Variants in SBNO1 observed in about 807,000 individuals in gnomAD.
SBNO1 encodes strawberry notch homolog 1.
Under a neutral mutation model 173.6 loss-of-function variants are expected in SBNO1, and 23 were observed. The observed-to-expected ratio is 0.13, with a 90% CI of 0.10 to 0.19. The LOEUF (loss-of-function observed/expected upper bound fraction) is 0.19. Among genes scored for constraint, SBNO1 ranks in the 10% least tolerant of loss-of-function variants. The probability of loss-of-function intolerance (pLI) is 1.00; values close to 1 mark genes in which losing one functional copy is unlikely to be tolerated. For synonymous variants in SBNO1, 632 were observed against 571.5 expected (o/e 1.11, Z -1.51); for missense variants, 1,238 against 1,671.2 (o/e 0.74, Z 4.52).
At chr12:123,320,638 A>G (rs1378993491) in intron 18 of SBNO1, 31 bp from the exon 19 acceptor site, 1 of 1,600,636 alleles carries the variant, frequency 6.2e-7, no homozygotes. Context: ...AAAAGTTAGT[A>G]CAAAGTTTAA....
Position 123,294,516 on chromosome 12 carries a change from G to T in SBNO1, c.*1392C>A, listed in dbSNP as rs2048556357. 6.6e-6 allele frequency: 1 copy of T among 152,422 alleles called. No individual in the cohort carries two copies. Among genetic ancestry groups the T allele is most frequent in the African/African-American group, 2.4e-5 (1 of 41,076 alleles). 9.4% of individuals were successfully genotyped at this position (152,422 alleles called of 1,614,324 possible). A position where few individuals can be genotyped will look rare whatever the true frequency, so the allele number is the denominator to read the frequency against. On this transcript the variant is annotated 3_prime_UTR_variant, in exon 32 of 32. Coordinates refer to ENST00000602398, the MANE Select transcript of SBNO1 (RefSeq NM_001167856.3). ...AGGTCACCAGTGAGGGCCTAAACAA[G>T]AGTCCACTTCTTGTTAGTATAATAA...
At chr12:123,355,885 T>C (rs1246621625) in intron 1 of SBNO1, among the ~76,000 whole-genome samples, 1 of 152,014 alleles carries the variant, frequency 6.6e-6, no homozygotes, top group East Asian at 1.9e-4. Context: ...GACACAGCAG[T>C]AGAGAAAAAC....
In SBNO1 at chr12:123,320,579, G is replaced by A. The variant is rs1869832767; in HGVS notation, c.2520C>T (p.Ser840=). The A allele has an allele frequency of 1.9e-6, 3 of 1,613,894 alleles. No individual in the cohort carries two copies. Among genetic ancestry groups the A allele is most frequent in the South Asian group, 1.1e-5 (1 of 91,044 alleles). Residue 840 remains serine, a synonymous_variant, in exon 19 of 32, where the codon AGC becomes AGT. Transcript: ENST00000602398. Reference sequence around the variant, plus strand: ...CCACAGCATCCTGACTTGTTATAAGGCTACTGTTACTGTTGGTGTTACTGT... The same window carrying A: ...CCACAGCATCCTGACTTGTTATAAGACTACTGTTACTGTTGGTGTTACTGT... ...PANSNTNSNS[S]LITSQDAVER...
At chr12:123,340,626 A>C (rs1199270865) in intron 5 of SBNO1, among the ~76,000 whole-genome samples, 1 of 150,786 alleles carries the variant, frequency 6.6e-6, no homozygotes, top group African/African-American at 2.5e-5. Flanking sequence ...TAACCAGATC[A>C]TTATATGATC....
At position 123,309,774 on chromosome 12, in the gene SBNO1, C is replaced by T. The variant is rs145298684; in HGVS notation, c.3378G>A (p.Ala1126=). The T allele has an allele frequency of 2.2e-5, 36 of 1,612,902 alleles. No individual in the cohort carries two copies. The highest frequency in any genetic ancestry group is 1.5e-4 in the African/African-American group (11 of 74,968). Residue 1126 remains alanine (A), a synonymous_variant, in exon 26 of 32, where the codon GCG becomes GCA. Transcript: ENST00000602398. ...TTTGAACAACTGCAGTAAGTGTGTCCGCAAAATACTGAAATAACGCATTCT... is the reference window on the plus strand; with the variant it reads ...TTTGAACAACTGCAGTAAGTGTGTCTGCAAAATACTGAAATAACGCATTCT... ...HQQNALFQYF[A]DTLTAVVQNA... is the part of the protein sequence containing the mutation.
chr12:123,340,944 T>A (rs371556278), intron 5 of SBNO1, 44 bp downstream of exon 5: 1 of 1,215,780 alleles, frequency 8.2e-7, no homozygotes, highest in Non-Finnish European at 1.2e-6. Flanking sequence ...TTGAGTACAC[T>A]CTCATACTAC....
chr12:123,330,683 C>T (rs953999994), intron 8 of SBNO1, among the ~76,000 whole-genome samples, 174 bp from the exon 9 acceptor site: 15 of 151,786 alleles, frequency 9.9e-5, no homozygotes, highest in African/African-American at 3.6e-4. Context: ...CACCCATAAT[C>T]CTAGCACTTT....
rs1870738946 is a variant in SBNO1 at position 123,327,432 on chromosome 12, G to C, written c.1686C>G (p.Val562=). 6.2e-6 allele frequency: 10 copies of C among 1,609,052 alleles called. No homozygotes were observed. The highest frequency in any genetic ancestry group is 1.3e-5 in the African/African-American group (1 of 74,736). Residue 562 remains valine (V), a synonymous_variant, in exon 13 of 32, where the codon GTC becomes GTG. Coordinates refer to ENST00000602398, the MANE Select transcript of SBNO1 (RefSeq NM_001167856.3). ...ATTAAGAAAAATTCCTCACCAGCTT[G>C]ACAGCTTTGTTATACATTTTAACGT... ...QSYVKMYNKA[V]KLWVIARERF...
chr12:123,297,633 G>C (rs887614615), intron 31 of SBNO1, among the ~76,000 whole-genome samples: 2 of 151,994 alleles, frequency 1.3e-5, no homozygotes, highest in African/African-American at 2.4e-5. Flanking sequence ...AGTGGCTTTT[G>C]AATTCCAGAG....
intron 1 of SBNO1, among the ~76,000 whole-genome samples, chr12:123,358,108 T>C (rs141275171): frequency 3.7e-4 from 57 of 152,348 alleles, no homozygotes; most frequent in African/African-American, 1.3e-3. Flanking sequence ...TGAGATATCT[T>C]AGAGACTGGA....
rs114460951 is a variant in SBNO1, at chr12:123,311,059, A to G, written c.3291T>C (p.Asp1097=). ...ACACAAAGCTAATAGTAGTACCTTT[A>G]TCGAGAGTAAGAATTCCCGAGCGAT... ...VEDRSGILTL[D]KDYNNIGKFL... Residue 1097 remains aspartate, a synonymous_variant, in exon 25 of 32, where the codon GAT becomes GAC. Transcript: ENST00000602398. 3 of 1,608,748 alleles carry G rather than the reference A, an allele frequency of 1.9e-6. No homozygotes were observed. Among genetic ancestry groups the G allele is most frequent in the East Asian group, 4.5e-5 (2 of 44,844 alleles).
At position 123,298,051 on chromosome 12, in the gene SBNO1, T is replaced by C. The variant is rs2048665577; in HGVS notation, c.3966A>G (p.Leu1322=). The C allele has an allele frequency of 6.2e-7, 1 of 1,614,020 alleles. No individual in the cohort carries two copies. The highest frequency in any genetic ancestry group is 8.5e-7 in the Non-Finnish European group (1 of 1,179,998). ...LSVWTKVEGV[L]ASVSGTNVKM... ...TCACGTTTGTGCCACTGACAGATGC[T>C]AGAACACCCTCAACTTTTGTCCAGA... Residue 1322 remains leucine (L), a synonymous_variant, in exon 31 of 32, where the codon CTA becomes CTG. Transcript: ENST00000602398.
chr12:123,349,525 C>T (rs1331180163), intron 2 of SBNO1, among the ~76,000 whole-genome samples: 1 of 135,952 alleles, frequency 7.4e-6, no homozygotes, highest in African/African-American at 3.6e-5. Flanking sequence ...ACATCTCTTA[C>T]ACTATCTATA....
intron 29 of SBNO1, 31 bp from the exon 30 acceptor site, chr12:123,302,931 C>T: frequency 1.3e-6 from 2 of 1,527,382 alleles, no homozygotes; most frequent in South Asian, 1.1e-5. Context: ...TCATTGAAAA[C>T]AGTATTGCTT....
chr12:123,327,368 A>C, intron 13 of SBNO1, 58 bp downstream of exon 13: 1 of 1,470,048 alleles, frequency 6.8e-7, no homozygotes, highest in Non-Finnish European at 9.4e-7. Context: ...CGCCAAAACT[A>C]ACAGAAACAT....
At chr12:123,299,174 C>G (rs1160684812) in intron 30 of SBNO1, among the ~76,000 whole-genome samples, 1 of 152,168 alleles carries the variant, frequency 6.6e-6, no homozygotes, top group East Asian at 1.9e-4. Context: ...TGAGACCATC[C>G]TGGCTAACAC....
intron 30 of SBNO1, among the ~76,000 whole-genome samples, chr12:123,300,249 T>C (rs2048741830): frequency 2.0e-5 from 3 of 152,210 alleles, no homozygotes; most frequent in Admixed American, 6.5e-5. Flanking sequence ...TTTGTAGAGA[T>C]GGAGTCTTGC....
In SBNO1 at chr12:123,309,333, C is replaced by T. The variant is rs1566025579; in HGVS notation, c.3607G>A (p.Asp1203Asn). 1.2e-6 allele frequency: 2 copies of T among 1,613,972 alleles called. No homozygotes were observed. Among genetic ancestry groups the T allele is most frequent in the Non-Finnish European group, 1.7e-6 (2 of 1,179,854 alleles). Residue 1203 changes from aspartate to asparagine, a missense_variant, in exon 28 of 32, where the codon GAT becomes AAT. By Grantham distance (23) the Asp-to-Asn change is conservative. This residue lies in a region of SBNO1 where 351 missense variants were observed against 420.3 expected (regional missense o/e 0.84). Coordinates refer to ENST00000602398, the MANE Select transcript of SBNO1 (RefSeq NM_001167856.3). ...ACTTGCAATGACAAGTAAAAGCCAT[C>T]GTCTGGTCCTGTCAGCTCAGCCCAA... is the stretch of plus-strand genomic sequence containing the variant. ...KIWAELTGPD[D>N]GFYLSLQIRN...
At chr12:123,317,741 A>G (rs1436401585) in intron 20 of SBNO1, among the ~76,000 whole-genome samples, 1 of 152,218 alleles carries the variant, frequency 6.6e-6, no homozygotes. Context: ...TCAAGAGGGC[A>G]TACAAGCCCT....
Sources: allele counts gnomAD v4.1 joint callset (sites outside exome capture counted in the v4.1 genomes callset), GRCh38; gene constraint gnomAD v4.1.1; regional missense constraint gnomAD v4.1.1; transcripts MANE v1.5; gene names NCBI Gene and HGNC (gene_info 2026-07-23, HGNC 2026-07-21).